The following NUBPL variants were observed in gnomAD, a reference collection of about 807,000 sequenced individuals.
NUBPL encodes iron-sulfur cluster transfer protein NUBPL.
NUBPL carries 31 observed loss-of-function variants against 45.7 expected under a neutral mutation model. The observed-to-expected ratio is 0.68, with a 90% CI of 0.51 to 0.92. The LOEUF (loss-of-function observed/expected upper bound fraction) is 0.92, where lower values mean the gene tolerates loss of function less well. Among genes scored for constraint, NUBPL ranks in the 40% least tolerant of loss-of-function variants. NUBPL has a pLI of 0.00. For synonymous variants in NUBPL, 144 were observed against 140.9 expected (o/e 1.02, Z -0.15); for missense variants, 401 against 398.7 (o/e 1.01, Z -0.05).
chr14:31,766,481 A>G (rs560281497), intron 6 of NUBPL, among the ~76,000 whole-genome samples: 4 of 152,342 alleles, frequency 2.6e-5, no homozygotes, highest in South Asian at 2.1e-4. Flanking sequence ...ATGTTTCCAC[A>G]GTGTACTTTG....
In NUBPL at chr14:31,690,404, C is replaced by T. The variant is rs73253264; in HGVS notation, c.513+16830C>T. On this transcript the variant is annotated intron_variant, in intron 6 of 10. Coordinates refer to ENST00000281081, the MANE Select transcript of NUBPL (RefSeq NM_025152.3). ...AAGGTACTGCCTTTCAAAATTCTTTCGATATTGGACAATGCCCCTGGCCAC... is the reference window on the plus strand; with the variant it reads ...AAGGTACTGCCTTTCAAAATTCTTTTGATATTGGACAATGCCCCTGGCCAC... Among the ~76,000 whole-genome samples the T allele has an allele frequency of 1.8e-3, 281 of 152,218 alleles. 1 individual carries two copies. The highest frequency in any genetic ancestry group is 6.0e-3 in the African/African-American group (251 of 41,542).
chr14:31,669,108 G>A (rs917069508), intron 4 of NUBPL, among the ~76,000 whole-genome samples: 2 of 152,048 alleles, frequency 1.3e-5, no homozygotes, highest in African/African-American at 4.8e-5. Context: ...ATTGACTCTC[G>A]AACTTCAGCC....
intron 3 of NUBPL, among the ~76,000 whole-genome samples, chr14:31,579,598 C>A (rs975308084): frequency 1.3e-5 from 2 of 152,184 alleles, no homozygotes; most frequent in African/African-American, 4.8e-5. Flanking sequence ...AAGTGAAATG[C>A]AGTTTCAGTG....
intron 6 of NUBPL, among the ~76,000 whole-genome samples, chr14:31,697,859 T>C (rs904069924): frequency 6.6e-6 from 1 of 152,154 alleles, no homozygotes; most frequent in Admixed American, 6.5e-5. Context: ...CTTAGAGTAG[T>C]GGCCCCTGTT....
At chr14:31,610,856 A>C (rs2034738027) in intron 4 of NUBPL, among the ~76,000 whole-genome samples, 1 of 152,200 alleles carries the variant, frequency 6.6e-6, no homozygotes, top group Non-Finnish European at 1.5e-5. Context: ...TGATGGTGAA[A>C]AAGCATTTGA....
chr14:31,585,266 T>C (rs2033966292), intron 3 of NUBPL, among the ~76,000 whole-genome samples: 1 of 152,172 alleles, frequency 6.6e-6, no homozygotes, highest in South Asian at 2.1e-4. Flanking sequence ...AATCTTATAA[T>C]GCTTTAAGAA....
At chr14:31,842,670 G>A (rs931605953) in intron 8 of NUBPL, among the ~76,000 whole-genome samples, 2 of 152,098 alleles carry the variant, frequency 1.3e-5, no homozygotes, top group East Asian at 1.9e-4. Context: ...TGGAAACAGG[G>A]TCTTGCTGTG....
intron 4 of NUBPL, among the ~76,000 whole-genome samples, chr14:31,621,721 G>C (rs2035068417): frequency 6.6e-6 from 1 of 152,154 alleles, no homozygotes; most frequent in Non-Finnish European, 1.5e-5. Flanking sequence ...GCAGACTGGA[G>C]CTGTTCTTAT....
intron 6 of NUBPL, among the ~76,000 whole-genome samples, chr14:31,777,246 C>T (rs1285455849): frequency 6.6e-6 from 1 of 152,170 alleles, no homozygotes; most frequent in East Asian, 1.9e-4. Flanking sequence ...CTGGCTCAAA[C>T]CTGTTGGCAG....
At chr14:31,847,857 A>C (rs540143610) in intron 9 of NUBPL, among the ~76,000 whole-genome samples, 4 of 152,362 alleles carry the variant, frequency 2.6e-5, no homozygotes, top group Non-Finnish European at 4.4e-5. Flanking sequence ...ATAGCCACTA[A>C]TTATATTCTG....
intron 6 of NUBPL, among the ~76,000 whole-genome samples, chr14:31,718,754 C>T (rs976705446): frequency 4.6e-5 from 7 of 152,018 alleles, no homozygotes; most frequent in Non-Finnish European, 7.4e-5. Context: ...CTTGGAAAGC[C>T]AGGTTTTGTT....
chr14:31,603,537 G>A (rs556421131), intron 4 of NUBPL, among the ~76,000 whole-genome samples: 2 of 152,140 alleles, frequency 1.3e-5, no homozygotes, highest in Non-Finnish European at 2.9e-5. Flanking sequence ...GGTAATAGAA[G>A]ATTATTTTTG....
intron 6 of NUBPL, among the ~76,000 whole-genome samples, chr14:31,769,437 AT>A (rs2138756687): frequency 6.6e-6 from 1 of 152,282 alleles, no homozygotes; most frequent in Admixed American, 6.5e-5. Flanking sequence ...GTAAATTTTA[AT>A]GTTCTTTATT....
intron 4 of NUBPL, among the ~76,000 whole-genome samples, chr14:31,613,210 A>G (rs895445204): frequency 5.3e-5 from 8 of 152,226 alleles, no homozygotes; most frequent in Non-Finnish European, 1.2e-4. Flanking sequence ...TAAACATTGC[A>G]TATTCTCACC....
Position 31,670,713 on chromosome 14 carries a change from A to G in NUBPL, c.383-2642A>G, listed in dbSNP as rs145210905. On this transcript the variant is annotated intron_variant, in intron 4 of 10. Coordinates refer to ENST00000281081, the MANE Select transcript of NUBPL (RefSeq NM_025152.3). Reference sequence around the variant, plus strand: ...ATGACTAGCCAGTTATCCCAGCACCATTTATGGAATAGAGAATCCTTTCCC... The same window carrying G: ...ATGACTAGCCAGTTATCCCAGCACCGTTTATGGAATAGAGAATCCTTTCCC... 1.8e-3 allele frequency among the ~76,000 whole-genome samples: 272 copies of G among 152,302 alleles called. 1 individual carries two copies. Among genetic ancestry groups the G allele is most frequent in the Non-Finnish European group, 3.0e-3 (206 of 68,026 alleles).
intron 6 of NUBPL, among the ~76,000 whole-genome samples, chr14:31,693,855 T>TC (rs2037151071): frequency 7.5e-6 from 1 of 132,806 alleles, no homozygotes; most frequent in African/African-American, 3.0e-5. Context: ...TTCTTTTCTT[T>TC]TCTTTTTTTT....
intron 4 of NUBPL, among the ~76,000 whole-genome samples, chr14:31,640,170 T>G (rs188066138): frequency 3.9e-5 from 6 of 152,212 alleles, no homozygotes; most frequent in Non-Finnish European, 7.3e-5. Context: ...TCACCTGTCT[T>G]CTGCATCGCT....
intron 2 of NUBPL, among the ~76,000 whole-genome samples, chr14:31,562,481 G>C (rs1471989477): frequency 6.6e-6 from 1 of 152,074 alleles, no homozygotes; most frequent in Non-Finnish European, 1.5e-5. Flanking sequence ...CTGTAAAATG[G>C]AGATAACTTC....
rs2139993109 is a variant in NUBPL, at chr14:31,738,320, T to C, written c.514-49460T>C. 2.0e-5 allele frequency among the ~76,000 whole-genome samples: 3 copies of C among 152,304 alleles called. 1 individual carries two copies. In the South Asian group the frequency reaches 6.2e-4, roughly 32 times the overall value. On this transcript the variant is annotated intron_variant, in intron 6 of 10. Transcript: ENST00000281081. Reference sequence around the variant, plus strand: ...AGTTATATGGGTTTTATTAGGATTCTCTTCACCAGAGGCTACAACCTTACA... The same window carrying C: ...AGTTATATGGGTTTTATTAGGATTCCCTTCACCAGAGGCTACAACCTTACA...
Sources: gnomAD v4.1 joint callset for allele counts (sites outside exome capture counted in the v4.1 genomes callset) on GRCh38, gnomAD v4.1.1 for gene constraint, MANE v1.5 for transcripts, NCBI Gene and HGNC (gene_info 2026-07-23, HGNC 2026-07-21) for gene names.